Variants in MS4A10 observed in about 807,000 individuals in gnomAD.
MS4A10 encodes membrane spanning 4-domains A10, also known as membrane-spanning 4-domains subfamily A member 10.
In MS4A10, 27 loss-of-function variants were observed where a neutral mutation model predicts 27.7. That is an observed-to-expected ratio of 0.98 (90% confidence interval 0.72 to 1.35). The LOEUF is 1.35. Ranked by LOEUF, MS4A10 falls within the 40% of genes most tolerant of loss-of-function variation. MS4A10 has a pLI of 0.00. For missense variants in MS4A10, 338 were observed against 324.7 expected (o/e 1.04, Z -0.32); for synonymous variants, 139 against 131.2 (o/e 1.06, Z -0.41).
intron 4 of MS4A10, among the ~76,000 whole-genome samples, chr11:60,792,618 G>T (rs189279618): frequency 7.9e-5 from 12 of 152,330 alleles, no homozygotes; most frequent in Admixed American, 2.6e-4. Context: ...ACACAACTTT[G>T]CTTCCTCTCA....
Position 60,790,483 on chromosome 11 carries a change from TC to T in MS4A10, c.151del (p.Gln51ArgfsTer31). 6.2e-7 allele frequency: 1 copy of T among 1,614,016 alleles called. No homozygotes were observed. The highest frequency in any genetic ancestry group is 8.5e-7 in the Non-Finnish European group (1 of 1,180,012). ...CCTGGCTCCACACCAGCACGAGAAG[TC>T]CCAGAAGAAGAGCAGCCTTCTTAAG... ...KLLAPHQHEK[S>X]QKKSSLLKEL... On this transcript the variant is annotated frameshift_variant, in exon 2 of 8. Transcript: ENST00000308287. LOFTEE classifies it high-confidence loss of function.
chr11:60,788,416 G>A (rs1854374581), intron 1 of MS4A10, among the ~76,000 whole-genome samples: 1 of 152,210 alleles, frequency 6.6e-6, no homozygotes, highest in Non-Finnish European at 1.5e-5. Context: ...GCTCTACTAA[G>A]AAGTCCCTCT....
At chr11:60,792,469 A>G (rs920532114) in intron 4 of MS4A10, 148 bp downstream of exon 4, 26 of 662,188 alleles carry the variant, frequency 3.9e-5, no homozygotes, top group Non-Finnish European at 6.8e-5. Context: ...AGGATGTCCA[A>G]GCAGAAGGGT....
Position 60,792,306 on chromosome 11 carries a change from T to C in MS4A10, c.345T>C (p.Phe115=), listed in dbSNP as rs1854444486. 1 of 1,612,026 alleles carries C rather than the reference T, an allele frequency of 6.2e-7. No individual in the cohort carries two copies. ...SGILAITMKT[F]SKTYLKMLCL... ...TCTTGGCGATAACAATGAAGACCTT[T>C]TCTAAAACTTACCTGGTGAGTGGGC... The change falls in exon 4 of 8, where the codon TTT becomes TTC. Residue 115 remains phenylalanine (F), a synonymous_variant. Coordinates refer to ENST00000308287, the MANE Select transcript of MS4A10 (RefSeq NM_206893.4).
chr11:60,786,322 C>T (rs1352906816), intron 1 of MS4A10, among the ~76,000 whole-genome samples: 1 of 152,218 alleles, frequency 6.6e-6, no homozygotes, highest in East Asian at 1.9e-4. Context: ...CCCATGGACA[C>T]ATCTTACTCA....
rs1444988734 is a variant in MS4A10, at chr11:60,795,589, G to A, written c.527G>A (p.Cys176Tyr). 1 of 1,585,152 alleles carries A rather than the reference G, an allele frequency of 6.3e-7. No homozygotes were observed. The highest frequency in any genetic ancestry group is 1.4e-5 in the African/African-American group (1 of 73,608). ...HIQRLELALL[C>Y]FTVLELFLPV... ...CAGAGGCTGGAGCTGGCCTTGCTCT[G>A]CTTCACTGTCCTAGAGCTCTTCCTG... Residue 176 changes from cysteine (C) to tyrosine (Y), a missense_variant, in exon 6 of 8, where the codon TGC becomes TAC. Physicochemically the swap from Cys to Tyr is radical, Grantham distance 194. Coordinates refer to ENST00000308287, the MANE Select transcript of MS4A10 (RefSeq NM_206893.4).
intron 2 of MS4A10, 54 bp from the exon 3 acceptor site, chr11:60,790,920 A>G (rs1038580884): frequency 2.2e-5 from 36 of 1,606,188 alleles, no homozygotes; most frequent in Admixed American, 1.2e-4. Context: ...AGTGGCCTCA[A>G]TTAGAGCCAG....
intron 1 of MS4A10, among the ~76,000 whole-genome samples, chr11:60,789,630 A>G (rs1185379224): frequency 6.6e-6 from 1 of 152,242 alleles, no homozygotes; most frequent in Non-Finnish European, 1.5e-5. Flanking sequence ...TTGTGTGACC[A>G]TGGGCAAGTG....
intron 1 of MS4A10, among the ~76,000 whole-genome samples, chr11:60,788,742 G>T (rs1334095827): frequency 2.0e-5 from 3 of 152,220 alleles, no homozygotes; most frequent in Non-Finnish European, 2.9e-5. Context: ...TAAATCAGCG[G>T]TCGTCACTGC....
rs1565084649 is a variant in MS4A10, at chr11:60,799,942, T to TG, written c.*35dup. 6.2e-7 allele frequency: 1 copy of TG among 1,614,130 alleles called. No homozygotes were observed. Among genetic ancestry groups the TG allele is most frequent in the East Asian group, 2.2e-5 (1 of 44,892 alleles). ...CTGCCTGACAATGCCCAAACTTGGT[T>TG]GGAGCATAGCCCCTGCTCTCCCAAA... On this transcript the variant is annotated 3_prime_UTR_variant, in exon 8 of 8. Coordinates refer to ENST00000308287, the MANE Select transcript of MS4A10 (RefSeq NM_206893.4).
chr11:60,793,823 GCCAGTGACAGGCAGAGGGGGCCTTGGGC>G (rs1435949105), intron 4 of MS4A10, 121 bp from the exon 5 acceptor site: 7 of 841,348 alleles, frequency 8.3e-6, no homozygotes, highest in Middle Eastern at 3.7e-4. Flanking sequence ...GGGCTGAGGG[GCCAGTGACAGGCAGAGGGGGCCTTGGGC>G]CCAGTGACAG....
At chr11:60,795,310 C>T (rs77861397) in intron 5 of MS4A10, among the ~76,000 whole-genome samples, 3 of 152,132 alleles carry the variant, frequency 2.0e-5, no homozygotes, top group Admixed American at 6.5e-5. Flanking sequence ...AGCCCTCAAA[C>T]GTTAGGCCAA....
intron 1 of MS4A10, among the ~76,000 whole-genome samples, chr11:60,787,940 C>T (rs2134747647): frequency 6.6e-6 from 1 of 152,144 alleles, no homozygotes; most frequent in South Asian, 2.1e-4. Flanking sequence ...TCACTTGAAC[C>T]CGGGAGGCGG....
chr11:60,796,906 G>GA (rs531535346), intron 6 of MS4A10, among the ~76,000 whole-genome samples: 130 of 150,916 alleles, frequency 8.6e-4, no homozygotes, highest in Admixed American at 1.4e-3. Context: ...TTTCTTTAAA[G>GA]AAAAAAAAAT....
chr11:60,790,313 G>T lies in MS4A10; in HGVS notation c.-22-1G>T. The T allele has an allele frequency of 6.2e-7, 1 of 1,612,422 alleles. No homozygotes were observed. Among genetic ancestry groups the T allele is most frequent in the Non-Finnish European group, 8.5e-7 (1 of 1,179,000 alleles). On this transcript the variant is annotated splice_acceptor_variant, in intron 1 of 7. Transcript: ENST00000308287. LOFTEE classifies it low-confidence loss of function (5UTR_SPLICE). ...TGACGGCCTTCCTCCCCGTCCTGCA[G>T]CCAGGGCCCCCATCCAGCATCAATG... is the stretch of plus-strand genomic sequence containing the variant.
chr11:60,790,295 C>A lies in MS4A10; in HGVS notation c.-22-19C>A, dbSNP rs1412621134. On this transcript the variant is annotated intron_variant, in intron 1 of 7. Coordinates refer to ENST00000308287, the MANE Select transcript of MS4A10 (RefSeq NM_206893.4). ...CAGAAATGAGACGGGTTCTGACGGC[C>A]TTCCTCCCCGTCCTGCAGCCAGGGC... 1.9e-6 allele frequency: 3 copies of A among 1,606,310 alleles called. No homozygotes were observed. The highest frequency in any genetic ancestry group is 3.3e-4 in the Middle Eastern group (2 of 6,028).
At chr11:60,798,296 G>A (rs1029108040) in intron 6 of MS4A10, 100 bp from the exon 7 acceptor site, 1 of 899,344 alleles carries the variant, frequency 1.1e-6, no homozygotes, top group Non-Finnish European at 1.8e-6. Context: ...CATTCATGGA[G>A]AACTTGAGTC....
intron 7 of MS4A10, 38 bp from the exon 8 acceptor site, chr11:60,799,790 C>A (rs1161823255): frequency 3.2e-6 from 3 of 936,812 alleles, no homozygotes; most frequent in African/African-American, 1.6e-5. Context: ...GATCTGTGAC[C>A]TAGCTGCTGT....
At chr11:60,797,111 C>T (rs1854545166) in intron 6 of MS4A10, among the ~76,000 whole-genome samples, 1 of 152,060 alleles carries the variant, frequency 6.6e-6, no homozygotes, top group Non-Finnish European at 1.5e-5. Context: ...TTCCTAGCTG[C>T]CTGACAGGAA....
Sources: allele counts gnomAD v4.1 joint callset (sites outside exome capture counted in the v4.1 genomes callset), GRCh38; gene constraint gnomAD v4.1.1; transcripts MANE v1.5; gene names NCBI Gene and HGNC (gene_info 2026-07-23, HGNC 2026-07-21).